PTDSS2: variants seen among roughly 807,000 people sequenced by gnomAD.
PTDSS2 encodes PSS-2.
PTDSS2 carries 41 observed loss-of-function variants against 64.7 expected under a neutral mutation model. That is an observed-to-expected ratio of 0.63 (90% confidence interval 0.49 to 0.82). PTDSS2 has a LOEUF of 0.82. Among genes scored for constraint, PTDSS2 ranks in the 40% least tolerant of loss-of-function variants. PTDSS2 has a pLI of 0.00. For missense variants in PTDSS2, 485 were observed against 650.0 expected (o/e 0.75, Z 2.76); for synonymous variants, 297 against 277.8 (o/e 1.07, Z -0.69).
At chr11:477,177 A>G (rs1847845648) in intron 3 of PTDSS2, among the ~76,000 whole-genome samples, 2 of 152,338 alleles carry the variant, frequency 1.3e-5, no homozygotes, top group South Asian at 4.1e-4. Flanking sequence ...AAATGGGCCC[A>G]GCCCGGCCAT....
intron 4 of PTDSS2, among the ~76,000 whole-genome samples, chr11:481,386 A>G (rs1290609226): frequency 6.6e-6 from 1 of 152,220 alleles, no homozygotes; most frequent in Non-Finnish European, 1.5e-5. Context: ...TTCCTGTGAA[A>G]AGAACAGGTG....
Position 490,849 on chromosome 11 carries a change from G to C in PTDSS2, c.*267G>C, listed in dbSNP as rs943049276. 6.5e-6 allele frequency: 3 copies of C among 464,950 alleles called. No homozygotes were observed. The highest frequency in any genetic ancestry group is 8.0e-5 in the Admixed American group (2 of 24,920). The allele number at this position is 464,950 out of a possible 1,614,324, so 28.8% of individuals were successfully genotyped here. A position where few individuals can be genotyped will look rare whatever the true frequency, so the allele number is the denominator to read the frequency against. ...ATGCGTGGCCGCCTGTGGTGTGCAC[G>C]TGTGCTCTGGGCTCCGAGGCTTCTC... On this transcript the variant is annotated 3_prime_UTR_variant, in exon 12 of 12. Coordinates refer to ENST00000308020, the MANE Select transcript of PTDSS2 (RefSeq NM_030783.3).
intron 2 of PTDSS2, among the ~76,000 whole-genome samples, chr11:473,211 T>C (rs1237025919): frequency 1.3e-5 from 2 of 152,188 alleles, no homozygotes; most frequent in Non-Finnish European, 2.9e-5. Flanking sequence ...CCCAGAGCGG[T>C]CCCTCGCATC....
At chr11:455,725 C>T (rs1024411668) in intron 1 of PTDSS2, among the ~76,000 whole-genome samples, 2 of 152,224 alleles carry the variant, frequency 1.3e-5, no homozygotes, top group Non-Finnish European at 1.5e-5. Context: ...GCCCTCCTGG[C>T]GTGGTTTTAC....
intron 2 of PTDSS2, among the ~76,000 whole-genome samples, chr11:469,937 A>T (rs1321169594): frequency 3.3e-5 from 5 of 152,178 alleles, no homozygotes; most frequent in African/African-American, 4.8e-5. Flanking sequence ...CAAAATAATA[A>T]AGTAGTATTA....
intron 3 of PTDSS2, among the ~76,000 whole-genome samples, chr11:475,113 G>GTGTGATATGGACATATTCACGCGTT (rs1554952953): frequency 2.2e-4 from 15 of 67,958 alleles, no homozygotes; most frequent in African/African-American, 1.0e-3. Context: ...TCACGCGTTT[G>GTGTGATATGGACATATTCACGCGTT]TGTGATACGG....
At chr11:456,864 A>G (rs914342995) in intron 1 of PTDSS2, among the ~76,000 whole-genome samples, 2 of 152,200 alleles carry the variant, frequency 1.3e-5, no homozygotes. Flanking sequence ...TTAGGACTCA[A>G]ATGCAAATGT....
chr11:448,842 G>A (rs955086683), upstream of PTDSS2, among the ~76,000 whole-genome samples: 2 of 152,238 alleles, frequency 1.3e-5, no homozygotes, highest in Non-Finnish European at 2.9e-5. Flanking sequence ...GGACAGTTGA[G>A]TGGTTTTTAG....
Position 469,963 on chromosome 11 carries a change from T to C in PTDSS2, c.285-3932T>C, listed in dbSNP as rs1272557414. ...AGTAGTATTAGAATATAACCCAGAG[T>C]AGAAAATAAACATCCACGAGCCCAT... On this transcript the variant is annotated intron_variant, in intron 2 of 11. Coordinates refer to ENST00000308020, the MANE Select transcript of PTDSS2 (RefSeq NM_030783.3). Among the ~76,000 whole-genome samples the C allele has an allele frequency of 2.6e-5, 4 of 151,510 alleles. No individual in the cohort carries two copies. The East Asian group carries it at 7.7e-4, about 29-fold the overall frequency.
At chr11:487,261 G>T in intron 5 of PTDSS2, 159 bp from the exon 6 acceptor site, 3 of 916,026 alleles carry the variant, frequency 3.3e-6, no homozygotes, top group Non-Finnish European at 5.2e-6. Flanking sequence ...TCTCTAGGCT[G>T]TCGTGGACGT....
Position 460,363 on chromosome 11 carries a change from G to T in PTDSS2, c.284+75G>T. The T allele has an allele frequency of 8.2e-7, 1 of 1,222,778 alleles. No homozygotes were observed. The highest frequency in any genetic ancestry group is 1.2e-6 in the Non-Finnish European group (1 of 840,564). The allele number at this position is 1,222,778 out of a possible 1,614,324, so 75.7% of individuals were successfully genotyped here. The stretch of plus-strand genomic sequence containing the variant: ...GGTGGGTGTGGCACCCTTACTGCTC[G>T]GGCTGCCGGGGGCTCAGAAGGCCTT... On this transcript the variant is annotated intron_variant, in intron 2 of 11. Transcript: ENST00000308020. The surrounding 1 kb of genome is among the most constrained non-coding windows in gnomAD (Gnocchi z 5.8).
At position 490,271 on chromosome 11, in the gene PTDSS2, G is replaced by A. The variant is rs145039813; in HGVS notation, c.1302-149G>A. ...CAGATCCAGGCTCCTCAGGGCTCCA[G>A]TCTGCCACGGCTGCCGTCCCAGGGC... On this transcript the variant is annotated intron_variant, in intron 11 of 11. Coordinates refer to ENST00000308020, the MANE Select transcript of PTDSS2 (RefSeq NM_030783.3). The A allele has an allele frequency of 6.1e-4, 751 of 1,234,948 alleles. 6 individuals carry two copies. In the African/African-American group the frequency reaches 0.01, roughly 16 times the overall value. The allele number at this position is 1,234,948 out of a possible 1,614,324, so 76.5% of individuals were successfully genotyped here.
chr11:478,287 C>CA (rs112622153), intron 3 of PTDSS2, among the ~76,000 whole-genome samples: 13,866 of 127,858 alleles, frequency 0.11, 835 homozygotes, highest in Admixed American at 0.2. Flanking sequence ...CCTATCTCTA[C>CA]AAAAAAAAAA....
At chr11:485,522 CCG>C (rs1848311539) in intron 4 of PTDSS2, among the ~76,000 whole-genome samples, 1 of 135,404 alleles carries the variant, frequency 7.4e-6, no homozygotes, top group Middle Eastern at 5.2e-3. Flanking sequence ...CGTGTGCTCA[CCG>C]TGTGCGCAGG....
At chr11:478,414 G>A (rs1274877935) in intron 3 of PTDSS2, among the ~76,000 whole-genome samples, 1 of 151,828 alleles carries the variant, frequency 6.6e-6, no homozygotes, top group Non-Finnish European at 1.5e-5. Flanking sequence ...CAACAAGATT[G>A]CACTCCAGCC....
At chr11:489,549 C>T (rs572596942) in intron 9 of PTDSS2, 35 bp downstream of exon 9, 103 of 1,608,538 alleles carry the variant, frequency 6.4e-5, no homozygotes, top group East Asian at 2.2e-4. Context: ...GCGCGGCGGG[C>T]GGGGGGCCAG....
Position 450,420 on chromosome 11 carries a change from G to C in PTDSS2, c.-36G>C. ...CCGGTGACCCGGTGTGCGTGGGGTC[G>C]AGGCGCCGGGCGGAGTGGCTCCGGG... is the stretch of plus-strand genomic sequence containing the variant. On this transcript the variant is annotated 5_prime_UTR_variant, in exon 1 of 12. Transcript: ENST00000308020. 1 of 1,220,938 alleles carries C rather than the reference G, an allele frequency of 8.2e-7. No individual in the cohort carries two copies. Among genetic ancestry groups the C allele is most frequent in the Non-Finnish European group, 1.0e-6 (1 of 980,364 alleles). 75.6% of individuals were successfully genotyped at this position (1,220,938 alleles called of 1,614,324 possible).
At position 460,048 on chromosome 11, in the gene PTDSS2, C is replaced by T; in HGVS notation, c.183-139C>T. On this transcript the variant is annotated intron_variant, in intron 1 of 11. Transcript: ENST00000308020. This position sits in a 1 kb window ranked among gnomAD's most constrained non-coding sequence, Gnocchi z 5.8. ...TCGGAGTTACCCAGCTAGGGACTCG[C>T]AGCCAGTTGCTGGTTGGGAGTTGGA... 1 of 667,488 alleles carries T rather than the reference C, an allele frequency of 1.5e-6. No individual in the cohort carries two copies. The highest frequency in any genetic ancestry group is 1.8e-5 in the South Asian group (1 of 56,800). The allele number at this position is 667,488 out of a possible 1,614,324, so 41.3% of individuals were successfully genotyped here. A position where few individuals can be genotyped will look rare whatever the true frequency, so the allele number is the denominator to read the frequency against.
intron 2 of PTDSS2, among the ~76,000 whole-genome samples, chr11:466,400 T>C (rs1379050221): frequency 7.0e-6 from 1 of 142,726 alleles, no homozygotes; most frequent in Non-Finnish European, 1.5e-5. Context: ...AAACTGCCAC[T>C]CTTTTTTTTT....
Sources: gnomAD v4.1 joint callset for allele counts (sites outside exome capture counted in the v4.1 genomes callset) on GRCh38, gnomAD v4.1.1 for gene constraint, Gnocchi (gnomAD v3.1) non-coding constraint, MANE v1.5 for transcripts, NCBI Gene and HGNC (gene_info 2026-07-23, HGNC 2026-07-21) for gene names.